The following FGF14 variants were observed in gnomAD, a reference collection of about 807,000 sequenced individuals.
FGF14 encodes the protein fibroblast growth factor homologous factor 4.
A neutral mutation model predicts 25.5 loss-of-function variants in FGF14; 5 were observed. That is an observed-to-expected ratio of 0.20 (90% CI 0.10 to 0.41). The LOEUF is 0.41. Among genes scored for constraint, FGF14 ranks in the 10% least tolerant of loss-of-function variants. The probability of loss-of-function intolerance (pLI) is 1.00; values close to 1 mark genes in which losing one functional copy is unlikely to be tolerated. For missense variants in FGF14, 222 were observed against 320.1 expected, an observed-to-expected ratio of 0.69 and a Z score of 2.34; for synonymous variants, 138 against 118.3, an observed-to-expected ratio of 1.17 and a Z score of -1.08.
chr13:101,856,612 G>A (rs2140390120), intron 3 of FGF14, among the ~76,000 whole-genome samples: 1 of 152,012 alleles, frequency 6.6e-6, no homozygotes, highest in African/African-American at 2.4e-5. Context: ...AAGAATATGA[G>A]CACATTTTGA....
Position 101,783,640 on chromosome 13 carries a change from A to G in FGF14, c.409-56830T>C, listed in dbSNP as rs1457456751. 2.0e-5 allele frequency among the ~76,000 whole-genome samples: 3 copies of G among 151,996 alleles called. No homozygotes were observed. In the East Asian group the frequency reaches 5.8e-4, roughly 29 times the overall value. On this transcript the variant is annotated intron_variant, in intron 3 of 4. Coordinates refer to ENST00000376143, the MANE Select transcript of FGF14 (RefSeq NM_004115.4). ...GTCTAGGTTGCCTGTTTACTCTGTT[A>G]ATAGTTTCTTTTGCTGTGCAGAAGC...
chr13:102,050,307 T>C (rs763299242), intron 1 of FGF14, among the ~76,000 whole-genome samples: 1 of 152,164 alleles, frequency 6.6e-6, no homozygotes, highest in African/African-American at 2.4e-5. Context: ...TAAAACCACC[T>C]TGGGGGATGG....
intron 1 of FGF14, among the ~76,000 whole-genome samples, chr13:102,372,858 T>C (rs1027451550): frequency 8.5e-5 from 13 of 152,278 alleles, no homozygotes; most frequent in African/African-American, 3.1e-4. Flanking sequence ...TGAAGCTTTA[T>C]ATGCATTACT....
At chr13:102,287,632 T>G (rs2054172766) in intron 1 of FGF14, among the ~76,000 whole-genome samples, 1 of 152,222 alleles carries the variant, frequency 6.6e-6, no homozygotes, top group Non-Finnish European at 1.5e-5. Context: ...AATGTTTAAT[T>G]TTTAAATGTT....
intron 1 of FGF14, among the ~76,000 whole-genome samples, chr13:101,881,414 CACAT>C (rs1566369125): frequency 6.6e-6 from 1 of 152,190 alleles, no homozygotes; most frequent in African/African-American, 2.4e-5. Context: ...ATTTATTCAT[CACAT>C]ACAAAGATGA....
chr13:101,971,136 A>C (rs1478813814), intron 1 of FGF14, among the ~76,000 whole-genome samples: 4 of 152,236 alleles, frequency 2.6e-5, no homozygotes, highest in Admixed American at 1.3e-4. Flanking sequence ...GAAAATAACA[A>C]AATATAGATT....
At chr13:102,157,035 A>T (rs1259234275) in intron 1 of FGF14, among the ~76,000 whole-genome samples, 1 of 152,262 alleles carries the variant, frequency 6.6e-6, no homozygotes, top group Non-Finnish European at 1.5e-5. Context: ...AGAACATTCC[A>T]TGCTCATGGG....
At chr13:101,787,983 G>A (rs562365177) in intron 3 of FGF14, among the ~76,000 whole-genome samples, 2 of 152,102 alleles carry the variant, frequency 1.3e-5, no homozygotes, top group South Asian at 2.1e-4. Flanking sequence ...GTGATTCTCC[G>A]GCCTCAGCCT....
chr13:101,804,075 G>A (rs1394199623), intron 3 of FGF14, among the ~76,000 whole-genome samples: 2 of 152,024 alleles, frequency 1.3e-5, no homozygotes, highest in African/African-American at 4.8e-5. Context: ...GAATAAGAAG[G>A]AGCATGGGAA....
At chr13:101,921,003 TTAAG>T (rs1456090484), upstream of FGF14, among the ~76,000 whole-genome samples, 1 of 152,112 alleles carries the variant, frequency 6.6e-6, no homozygotes, top group Non-Finnish European at 1.5e-5. Context: ...TCCTCCAACT[TTAAG>T]TATGTTGTTC....
intron 1 of FGF14, among the ~76,000 whole-genome samples, chr13:102,310,881 G>T (rs889222039): frequency 6.6e-6 from 1 of 152,022 alleles, no homozygotes; most frequent in Non-Finnish European, 1.5e-5. Context: ...CCTTGGGGGT[G>T]GGAAGTCACT....
intron 1 of FGF14, among the ~76,000 whole-genome samples, chr13:102,381,230 T>C (rs2058176491): frequency 6.6e-6 from 1 of 152,200 alleles, no homozygotes; most frequent in Non-Finnish European, 1.5e-5. Flanking sequence ...CATCTGTACA[T>C]AAAAATTGCT....
intron 1 of FGF14, among the ~76,000 whole-genome samples, chr13:102,156,932 T>C (rs2047370419): frequency 6.6e-6 from 1 of 152,144 alleles, no homozygotes; most frequent in South Asian, 2.1e-4. Flanking sequence ...ATAAAATACT[T>C]AGGAATCCAA....
rs1252534020 is a variant in FGF14 at position 101,744,636 on chromosome 13, G to GGGGA, written c.409-17830_409-17827dup. 2.6e-5 allele frequency among the ~76,000 whole-genome samples: 4 copies of GGGGA among 152,102 alleles called. No individual in the cohort carries two copies. The East Asian group carries it at 7.7e-4, about 29-fold the overall frequency. ...CTCTGAGCATCCAGGATTGTATGTG[G>GGGGA]GGGAATACAGCCTAAAAGAAATAGC... On this transcript the variant is annotated intron_variant, in intron 3 of 4. Coordinates refer to ENST00000376143, the MANE Select transcript of FGF14 (RefSeq NM_004115.4).
At chr13:101,896,968 G>C (rs1227455382) in intron 1 of FGF14, among the ~76,000 whole-genome samples, 5 of 152,192 alleles carry the variant, frequency 3.3e-5, no homozygotes, top group Non-Finnish European at 5.9e-5. Flanking sequence ...ATATACTAGA[G>C]ACAAATAAGG....
intron 1 of FGF14, among the ~76,000 whole-genome samples, chr13:101,974,333 T>G (rs762520842): frequency 7.2e-5 from 11 of 152,166 alleles, no homozygotes; most frequent in Non-Finnish European, 1.5e-4. Flanking sequence ...AGTAAAACGT[T>G]CAAGGTCACA....
intron 1 of FGF14, among the ~76,000 whole-genome samples, chr13:102,250,525 A>T (rs754409180): frequency 6.6e-6 from 1 of 152,166 alleles, no homozygotes; most frequent in Non-Finnish European, 1.5e-5. Flanking sequence ...GGCAAAGTGG[A>T]GTTGATTTTT....
intron 1 of FGF14, among the ~76,000 whole-genome samples, chr13:101,930,098 C>G (rs1186938140): frequency 2.0e-5 from 3 of 152,190 alleles, no homozygotes; most frequent in African/African-American, 7.2e-5. Context: ...AAAAGGCTTG[C>G]ATTTCTAATT....
At chr13:102,388,122 T>C (rs570855498) in intron 1 of FGF14, among the ~76,000 whole-genome samples, 35 of 152,276 alleles carry the variant, frequency 2.3e-4, no homozygotes, top group Non-Finnish European at 4.4e-5. Context: ...TTTGTGTCCA[T>C]GTGTACTCAA....
Sources: allele counts gnomAD v4.1 joint callset (sites outside exome capture counted in the v4.1 genomes callset), GRCh38; gene constraint gnomAD v4.1.1; transcripts MANE v1.5; gene names NCBI Gene and HGNC (gene_info 2026-07-23, HGNC 2026-07-21).